The following MESD variants were observed in gnomAD, a reference collection of about 807,000 sequenced individuals.
MESD encodes mesoderm development LRP chaperone.
MESD carries 7 observed loss-of-function variants against 12.9 expected under a neutral mutation model. The ratio of observed to expected loss-of-function variants is 0.54; its 90% CI spans 0.31 to 1.02. MESD has a LOEUF of 1.02. MESD is among the 50% of genes least tolerant of loss of function. MESD has a pLI of 0.05. For synonymous variants in MESD, 126 were observed against 115.6 expected, an observed-to-expected ratio of 1.09 and a Z score of -0.58; for missense variants, 342 against 296.7, an observed-to-expected ratio of 1.15 and a Z score of -1.12.
rs1004956558 is a variant in MESD at position 80,979,176 on chromosome 15, T to G, written c.*43A>C. 6.3e-7 allele frequency: 1 copy of G among 1,584,896 alleles called. No homozygotes were observed. Among genetic ancestry groups the G allele is most frequent in the African/African-American group, 1.3e-5 (1 of 74,146 alleles). ...ACCCCAGGAGCTGGGCAAAGAGCTC[T>G]CCACGTCCACCTGTCCCCCCACAGC... is the stretch of plus-strand genomic sequence containing the variant. On this transcript the variant is annotated 3_prime_UTR_variant, in exon 3 of 3. Transcript: ENST00000261758.
downstream of MESD, among the ~76,000 whole-genome samples, chr15:80,971,804 G>A (rs1039982271): frequency 6.6e-6 from 1 of 151,974 alleles, no homozygotes; most frequent in Non-Finnish European, 1.5e-5. Flanking sequence ...TAGGACCTGA[G>A]ACAAGTAGGA....
At chr15:80,958,553 G>A (rs761045287) in intron 3 of MESD, among the ~76,000 whole-genome samples, 26 of 152,104 alleles carry the variant, frequency 1.7e-4, no homozygotes, top group Admixed American at 3.3e-4. Flanking sequence ...GGCTGGTCTC[G>A]AACTCCCGAG....
At position 80,970,127 on chromosome 15, in the gene MESD, T is replaced by C. The variant is rs537534446; in HGVS notation, c.*288+8804A>G. The stretch of plus-strand genomic sequence containing the variant: ...TTTTGCAAGCACAGACTGAGCAGTC[T>C]GTTAATTAAAATAATAGCTGAAGAA... On this transcript the variant is annotated intron_variant, in intron 3 of 4. Transcript: ENST00000561312. Among the ~76,000 whole-genome samples the C allele has an allele frequency of 5.3e-5, 8 of 152,350 alleles. 1 individual carries two copies. The South Asian group carries it at 1.7e-3, about 32-fold the overall frequency.
At position 80,976,170 on chromosome 15, in the gene MESD, T is replaced by C. The variant is rs1902410030; in HGVS notation, c.*3049A>G. 1 of 152,314 alleles carries C rather than the reference T, an allele frequency of 6.6e-6. No individual in the cohort carries two copies. Among genetic ancestry groups the C allele is most frequent in the Non-Finnish European group, 1.5e-5 (1 of 68,146 alleles). The allele number at this position is 152,314 out of a possible 1,614,324, so 9.4% of individuals were successfully genotyped here. The stretch of plus-strand genomic sequence containing the variant: ...CGCACCACCACACTCGGCTAATTTT[T>C]AGTAGAGACAGGGCTTCACCATGTT... On this transcript the variant is annotated 3_prime_UTR_variant, in exon 3 of 3. Transcript: ENST00000261758.
Position 80,979,117 on chromosome 15 carries a change from G to T in MESD, c.*102C>A. ...GACCCTTTCTAGAAGACACTAGAAT[G>T]TCATCCGGTGTGCAGTTGCCTGAGA... On this transcript the variant is annotated 3_prime_UTR_variant, in exon 3 of 3. Transcript: ENST00000261758. 6.9e-7 allele frequency: 1 copy of T among 1,455,228 alleles called. No individual in the cohort carries two copies. The highest frequency in any genetic ancestry group is 9.3e-7 in the Non-Finnish European group (1 of 1,079,154). The allele number at this position is 1,455,228 out of a possible 1,614,324, so 90.1% of individuals were successfully genotyped here.
downstream of MESD, chr15:80,946,546 C>G (rs1290395577): frequency 1.1e-5 from 2 of 188,310 alleles, no homozygotes; most frequent in African/African-American, 4.7e-5. Context: ...TTTCTCCTTC[C>G]TTCCTCCATC....
At chr15:80,953,111 G>A (rs1407698403) in intron 3 of MESD, 2 of 455,884 alleles carry the variant, frequency 4.4e-6, no homozygotes, top group African/African-American at 4.0e-5. Flanking sequence ...CTATCAGAGT[G>A]TGGGCTTGAG....
At chr15:80,947,141 T>C (rs1459597976), downstream of MESD, 2 of 927,260 alleles carry the variant, frequency 2.2e-6, no homozygotes, top group Non-Finnish European at 3.5e-6. Context: ...GGTGCTGTCA[T>C]CTTTTGCTGA....
intron 3 of MESD, chr15:80,953,133 A>G (rs1317648091): frequency 6.6e-6 from 3 of 455,054 alleles, no homozygotes; most frequent in Admixed American, 2.4e-5. Context: ...ACACCTGGGC[A>G]TAAATCAAGG....
intron 2 of MESD, 41 bp downstream of exon 2, chr15:80,981,909 G>T: frequency 7.7e-7 from 1 of 1,306,654 alleles, no homozygotes; most frequent in Non-Finnish European, 1.1e-6. Flanking sequence ...AAAAGACCGA[G>T]CACAGCCTAT....
intron 3 of MESD, among the ~76,000 whole-genome samples, chr15:80,961,505 G>A (rs1460130131): frequency 6.6e-6 from 1 of 152,146 alleles, no homozygotes; most frequent in Non-Finnish European, 1.5e-5. Context: ...CCTAGACAAT[G>A]AGGATAAAAG....
intron 1 of MESD, among the ~76,000 whole-genome samples, chr15:80,986,524 A>C (rs1051753896): frequency 6.6e-6 from 1 of 152,210 alleles, no homozygotes; most frequent in Admixed American, 6.5e-5. Flanking sequence ...TGTACCCCAT[A>C]AATATGTATA....
intron 3 of MESD, among the ~76,000 whole-genome samples, chr15:80,954,892 G>C (rs937242702): frequency 2.0e-5 from 3 of 152,130 alleles, no homozygotes; most frequent in African/African-American, 4.8e-5. Context: ...TGTATTTTAC[G>C]TATGGCCCAA....
At chr15:80,946,960 C>T, downstream of MESD, 2 of 1,604,436 alleles carry the variant, frequency 1.2e-6, no homozygotes, top group African/African-American at 1.3e-5. Context: ...TTTCTTCTCA[C>T]ACAGTTCCAT....
At chr15:80,975,110 G>A (rs1023317140), downstream of MESD, among the ~76,000 whole-genome samples, 11 of 151,634 alleles carry the variant, frequency 7.3e-5, no homozygotes, top group Admixed American at 4.6e-4. Context: ...AGAGCTGGGC[G>A]TGGTGACTCA....
chr15:80,965,893 G>A (rs1038815608), intron 3 of MESD, among the ~76,000 whole-genome samples: 4 of 152,016 alleles, frequency 2.6e-5, no homozygotes, highest in Non-Finnish European at 4.4e-5. Context: ...CATGGAACGT[G>A]TATACCTATG....
exon 5 of MESD, chr15:80,947,727 T>A (rs1901623736): frequency 6.5e-6 from 1 of 153,668 alleles, no homozygotes; most frequent in Non-Finnish European, 1.4e-5. Context: ...TAATGATCAT[T>A]GTGGTTGCTA....
chr15:80,969,643 T>A (rs1457630084), intron 3 of MESD, among the ~76,000 whole-genome samples: 1 of 151,986 alleles, frequency 6.6e-6, no homozygotes, highest in Non-Finnish European at 1.5e-5. Context: ...TCAGTTGAGG[T>A]CAGGAGCTCG....
intron 1 of MESD, among the ~76,000 whole-genome samples, chr15:80,989,378 G>A (rs991904607): frequency 2.6e-5 from 4 of 152,182 alleles, no homozygotes; most frequent in African/African-American, 9.7e-5. Context: ...ATGACAGAGG[G>A]CTGGAGCGAG....
Sources: allele counts gnomAD v4.1 joint callset (sites outside exome capture counted in the v4.1 genomes callset), GRCh38; gene constraint gnomAD v4.1.1; transcripts MANE v1.5; gene names NCBI Gene and HGNC (gene_info 2026-07-23, HGNC 2026-07-21).